Variants in SMAD3 observed in about 807,000 individuals in gnomAD.
The protein encoded by SMAD3 is MAD homolog 3.
In SMAD3, 12 loss-of-function variants were observed where a neutral mutation model predicts 51.8. That is an observed-to-expected ratio of 0.23 (90% CI 0.15 to 0.38). SMAD3 has a LOEUF of 0.38. Among genes scored for constraint, SMAD3 ranks in the 10% least tolerant of loss-of-function variants. The pLI, the probability that SMAD3 is intolerant of heterozygous loss-of-function variation, is 1.00. For synonymous variants in SMAD3, 238 were observed against 227.7 expected (o/e 1.05, Z -0.41); for missense variants, 294 against 565.6 (o/e 0.52, Z 4.87).
chr15:67,151,710 C>T (rs887408425), intron 1 of SMAD3, among the ~76,000 whole-genome samples: 1 of 151,962 alleles, frequency 6.6e-6, no homozygotes, highest in Non-Finnish European at 1.5e-5. Flanking sequence ...AATAATTGTC[C>T]ATATTCATGG....
At chr15:67,182,276 C>T (rs1179640688) in intron 6 of SMAD3, among the ~76,000 whole-genome samples, 3 of 152,162 alleles carry the variant, frequency 2.0e-5, no homozygotes, top group African/African-American at 7.2e-5. Context: ...GCCCCCAGAA[C>T]ATAAGTAAAA....
In SMAD3 at chr15:67,194,989, AC is replaced by A; in HGVS notation, c.*4455del. 1 of 233,700 alleles carries A rather than the reference AC, an allele frequency of 4.3e-6. No individual in the cohort carries two copies. Among genetic ancestry groups the A allele is most frequent in the Non-Finnish European group, 8.5e-6 (1 of 117,960 alleles). 14.5% of individuals were successfully genotyped at this position (233,700 alleles called of 1,614,324 possible). ...TTACCTTCACTATTCGGCCAGCCTG[AC>A]CTTTTAATAACTTTGTAAAAAGCAT... On this transcript the variant is annotated 3_prime_UTR_variant, in exon 9 of 9. Transcript: ENST00000327367.
At chr15:67,080,874 G>A (rs1250345869) in intron 1 of SMAD3, among the ~76,000 whole-genome samples, 1 of 152,068 alleles carries the variant, frequency 6.6e-6, no homozygotes, top group Non-Finnish European at 1.5e-5. Context: ...TTGTTTCCGC[G>A]ATCATCCAAA....
At chr15:67,173,863 AG>A (rs1236671278) in intron 5 of SMAD3, among the ~76,000 whole-genome samples, 2 of 152,142 alleles carry the variant, frequency 1.3e-5, no homozygotes, top group Non-Finnish European at 2.9e-5. Context: ...CTGAATGAGC[AG>A]GGTTTGTTGA....
intron 6 of SMAD3, among the ~76,000 whole-genome samples, chr15:67,183,203 T>G (rs1180865445): frequency 6.7e-6 from 1 of 150,366 alleles, no homozygotes; most frequent in African/African-American, 2.5e-5. Flanking sequence ...CCACCACACC[T>G]GGCTAATTTT....
chr15:67,091,608 A>G (rs1451285210), intron 1 of SMAD3, among the ~76,000 whole-genome samples: 4 of 152,324 alleles, frequency 2.6e-5, no homozygotes, highest in African/African-American at 9.6e-5. Flanking sequence ...TTTTTCACGT[A>G]AAGACTCACC....
intron 1 of SMAD3, among the ~76,000 whole-genome samples, chr15:67,110,500 C>A (rs139205684): frequency 4.9e-4 from 75 of 152,310 alleles, no homozygotes; most frequent in African/African-American, 1.7e-3. Context: ...AGTCCCTCCC[C>A]CTACGTGACA....
At chr15:67,103,254 G>A (rs879533561) in intron 1 of SMAD3, among the ~76,000 whole-genome samples, 2 of 152,158 alleles carry the variant, frequency 1.3e-5, no homozygotes, top group Non-Finnish European at 2.9e-5. Flanking sequence ...AGTCAAGGTC[G>A]TGCAAAAGCT....
rs79367929 is a variant in SMAD3, at chr15:67,107,128, C to T, written c.206+40768C>T. Among the ~76,000 whole-genome samples the T allele has an allele frequency of 5.6e-3, 857 of 151,708 alleles. 48 individuals carry two copies. In the East Asian group the frequency reaches 0.13, roughly 22 times the overall value. ...GCACAGTACCTGGAACAGTCAAGCC[C>T]TCAATAAATGTTTACTGAGTGCATT... On this transcript the variant is annotated intron_variant, in intron 1 of 8. Transcript: ENST00000327367.
chr15:67,179,798 C>G (rs150655660), intron 5 of SMAD3, among the ~76,000 whole-genome samples: 1 of 152,232 alleles, frequency 6.6e-6, no homozygotes, highest in East Asian at 1.9e-4. Flanking sequence ...GCAGGGTTCT[C>G]AGGCCAGGGC....
chr15:67,182,020 C>T (rs1005435815), intron 6 of SMAD3, among the ~76,000 whole-genome samples: 4 of 152,176 alleles, frequency 2.6e-5, no homozygotes, highest in South Asian at 2.1e-4. Context: ...CTCCTGACCT[C>T]AGGTGATCCA....
chr15:67,082,280 G>A (rs1269656755), intron 1 of SMAD3, among the ~76,000 whole-genome samples: 2 of 152,180 alleles, frequency 1.3e-5, no homozygotes, highest in Non-Finnish European at 2.9e-5. Flanking sequence ...GCCTCTGAAT[G>A]CCATGCCCAG....
intron 1 of SMAD3, among the ~76,000 whole-genome samples, chr15:67,083,159 T>C: frequency 6.6e-6 from 1 of 152,342 alleles, no homozygotes; most frequent in East Asian, 1.9e-4. Context: ...GTTGCCGCAG[T>C]GCGAGGCTGG....
At chr15:67,122,780 A>T (rs376715284) in intron 1 of SMAD3, among the ~76,000 whole-genome samples, 1 of 152,186 alleles carries the variant, frequency 6.6e-6, no homozygotes, top group Non-Finnish European at 1.5e-5. Context: ...CAGGGTTCAA[A>T]TCCTGGCCCC....
At position 67,066,220 on chromosome 15, in the gene SMAD3, G is replaced by A. The variant is rs187952791; in HGVS notation, c.66G>A (p.Glu22=). 4.0e-4 allele frequency: 647 copies of A among 1,613,362 alleles called. 7 individuals carry two copies. In the East Asian group the frequency reaches 0.013, roughly 33 times the overall value. Residue 22 remains glutamate, a synonymous_variant, in exon 1 of 9, where the codon GAG becomes GAA. Transcript: ENST00000327367. The part of the protein sequence containing the change: ...VKRLLGWKKG[E]QNGQEEKWCE... ...GCCTGCTGGGCTGGAAGAAGGGCGAGCAGAACGGGCAGGAGGAGAAATGGT... is the reference window on the plus strand; with the variant it reads ...GCCTGCTGGGCTGGAAGAAGGGCGAACAGAACGGGCAGGAGGAGAAATGGT...
At chr15:67,099,614 A>T (rs981085656) in intron 1 of SMAD3, among the ~76,000 whole-genome samples, 1 of 152,208 alleles carries the variant, frequency 6.6e-6, no homozygotes, top group African/African-American at 2.4e-5. Flanking sequence ...GTTTTGATTC[A>T]TGTACTCAGA....
intron 1 of SMAD3, among the ~76,000 whole-genome samples, chr15:67,119,343 A>T (rs535073925): frequency 2.0e-5 from 3 of 151,812 alleles, no homozygotes; most frequent in South Asian, 4.2e-4. Context: ...GTCATGATGG[A>T]GTGTTGGGGC....
Position 67,109,948 on chromosome 15 carries a change from G to A in SMAD3, c.206+43588G>A, listed in dbSNP as rs568730703. Among the ~76,000 whole-genome samples the A allele has an allele frequency of 7.2e-5, 11 of 152,284 alleles. No individual in the cohort carries two copies. The South Asian group carries it at 1.9e-3, about 26-fold the overall frequency. On this transcript the variant is annotated intron_variant, in intron 1 of 8. Transcript: ENST00000327367. Reference sequence around the variant, plus strand: ...AGCCATAGCTCCCAGGCTCGTCAGCGGGGGAAACCAACTCAGTGCTTCTCA... The same window carrying A: ...AGCCATAGCTCCCAGGCTCGTCAGCAGGGGAAACCAACTCAGTGCTTCTCA...
chr15:67,073,738 G>T (rs1336748682), intron 1 of SMAD3, among the ~76,000 whole-genome samples: 1 of 152,164 alleles, frequency 6.6e-6, no homozygotes, highest in Non-Finnish European at 1.5e-5. Context: ...GCAATGGCGC[G>T]GTCTTGCCTC....
Sources: gnomAD v4.1 joint callset for allele counts (sites outside exome capture counted in the v4.1 genomes callset) on GRCh38, gnomAD v4.1.1 for gene constraint, MANE v1.5 for transcripts, NCBI Gene and HGNC (gene_info 2026-07-23, HGNC 2026-07-21) for gene names.